ABHD2: variants seen among roughly 807,000 people sequenced by gnomAD.
The protein encoded by ABHD2 is abhydrolase domain containing 2, acylglycerol lipase, also known as monoacylglycerol lipase ABHD2.
ABHD2 carries 20 observed loss-of-function variants against 48.1 expected under a neutral mutation model. That is an observed-to-expected ratio of 0.42 (90% CI 0.29 to 0.60). ABHD2 has a LOEUF of 0.60. ABHD2 is among the 20% of genes least tolerant of loss of function. The pLI, the probability that ABHD2 is intolerant of heterozygous loss-of-function variation, is 0.24. For missense variants in ABHD2, 405 were observed against 550.9 expected, an observed-to-expected ratio of 0.74 and a Z score of 2.65; for synonymous variants, 209 against 214.2, an observed-to-expected ratio of 0.98 and a Z score of 0.21.
chr15:89,068,914 G>A, the ABHD2 span, among the ~76,000 whole-genome samples: 8 of 150,670 alleles, frequency 5.3e-5, no homozygotes, highest in Admixed American at 1.3e-4. Context: ...GACTACAGGC[G>A]CATGCCACCA....
chr15:89,091,116 T>C lies in ABHD2; in HGVS notation c.-107+2553T>C, dbSNP rs1013798584. Reference sequence around the variant, plus strand: ...CATTTTAGTCAGGGTCGTTCACTTTTTTCCCTTTTTACTCTCACCTTCATT... The same window carrying C: ...CATTTTAGTCAGGGTCGTTCACTTTCTTCCCTTTTTACTCTCACCTTCATT... On this transcript the variant is annotated intron_variant, in intron 1 of 10. Coordinates refer to ENST00000352732, the MANE Select transcript of ABHD2 (RefSeq NM_152924.5). This position sits in a 1 kb window ranked among gnomAD's most constrained non-coding sequence, Gnocchi z 5.5. Among the ~76,000 whole-genome samples, 1 of 152,204 alleles carries C rather than the reference T, an allele frequency of 6.6e-6. No individual in the cohort carries two copies. Among genetic ancestry groups the C allele is most frequent in the African/African-American group, 2.4e-5 (1 of 41,444 alleles).
At position 89,105,687 on chromosome 15, in the gene ABHD2, C is replaced by A. The variant is rs575937174; in HGVS notation, c.-106-8038C>A. Among the ~76,000 whole-genome samples the A allele has an allele frequency of 3.9e-5, 6 of 152,346 alleles. No homozygotes were observed. The East Asian group carries it at 9.6e-4, about 24-fold the overall frequency. ...GACTGGATCAACCAAGGGCTTTATC[C>A]TTCCTTGTTATGGTAACCCACTCCC... On this transcript the variant is annotated intron_variant, in intron 1 of 10. Coordinates refer to ENST00000352732, the MANE Select transcript of ABHD2 (RefSeq NM_152924.5).
Position 89,191,288 on chromosome 15 carries a change from T to G in ABHD2, c.996+139T>G, listed in dbSNP as rs1596165447. 3.7e-5 allele frequency: 29 copies of G among 789,284 alleles called. No individual in the cohort carries two copies. The East Asian group carries it at 7.7e-4, about 21-fold the overall frequency. 48.9% of individuals were successfully genotyped at this position (789,284 alleles called of 1,614,324 possible). On this transcript the variant is annotated intron_variant, in intron 9 of 10. Transcript: ENST00000352732. ...AACCGCTCTTTTAGCTTGGATTTGT[T>G]TATTGAACCAGGCTCTGTCCCTCTG...
chr15:89,178,177 G>C (rs2051047664), intron 6 of ABHD2, among the ~76,000 whole-genome samples: 1 of 152,196 alleles, frequency 6.6e-6, no homozygotes, highest in African/African-American at 2.4e-5. Flanking sequence ...ACTTGCCCAG[G>C]CTAAGATCAT....
chr15:89,113,514 G>C (rs1431119186), intron 1 of ABHD2, among the ~76,000 whole-genome samples: 4 of 152,216 alleles, frequency 2.6e-5, no homozygotes, highest in Admixed American at 6.5e-5. Context: ...CTAGAAACCA[G>C]AGAGAGCCTG....
the ABHD2 span, among the ~76,000 whole-genome samples, chr15:89,042,877 A>G: frequency 6.6e-6 from 1 of 151,632 alleles, no homozygotes; most frequent in South Asian, 2.1e-4. Context: ...TGTGTTGGCC[A>G]GGCTGGCCTC....
the ABHD2 span, among the ~76,000 whole-genome samples, chr15:89,048,904 A>C: frequency 8.6e-5 from 9 of 105,168 alleles, no homozygotes; most frequent in African/African-American, 3.8e-4. Context: ...AGCTCGTCAA[A>C]GTCATTTGTT....
intron 1 of ABHD2, among the ~76,000 whole-genome samples, chr15:89,099,948 T>A (rs886573196): frequency 2.0e-5 from 3 of 152,090 alleles, no homozygotes; most frequent in African/African-American, 7.2e-5. Flanking sequence ...GATTTAAAGA[T>A]AACAGTATCA....
the ABHD2 span, among the ~76,000 whole-genome samples, chr15:89,066,618 A>T: frequency 2.6e-5 from 4 of 152,148 alleles, no homozygotes. Flanking sequence ...TTCTCCTATC[A>T]TATTTCCTTC....
intron 1 of ABHD2, among the ~76,000 whole-genome samples, chr15:89,113,055 G>C (rs2049900527): frequency 6.6e-6 from 1 of 152,148 alleles, no homozygotes; most frequent in Non-Finnish European, 1.5e-5. Context: ...TTTTGCTTCT[G>C]CTGCTTTGGA....
In ABHD2 at chr15:89,137,286, G is replaced by A. The variant is rs921852654; in HGVS notation, c.195-14391G>A. Among the ~76,000 whole-genome samples, 1 of 152,198 alleles carries A rather than the reference G, an allele frequency of 6.6e-6. No homozygotes were observed. The highest frequency in any genetic ancestry group is 1.5e-5 in the Non-Finnish European group (1 of 68,032). ...GTGACCAGTTCCGCGTGCTGTTTGT[G>A]AACAGGAAGATAGTGGGATCAGATG... On this transcript the variant is annotated intron_variant, in intron 3 of 10. Coordinates refer to ENST00000352732, the MANE Select transcript of ABHD2 (RefSeq NM_152924.5). This position sits in a 1 kb window ranked among gnomAD's most constrained non-coding sequence, Gnocchi z 4.8.
At chr15:89,153,955 A>G (rs1341200689) in intron 4 of ABHD2, among the ~76,000 whole-genome samples, 2 of 152,206 alleles carry the variant, frequency 1.3e-5, no homozygotes, top group South Asian at 2.1e-4. Flanking sequence ...TTATAATTAA[A>G]CCATTCTTCT....
chr15:89,109,176 A>G (rs1377767910), intron 1 of ABHD2, among the ~76,000 whole-genome samples: 1 of 152,224 alleles, frequency 6.6e-6, no homozygotes, highest in Non-Finnish European at 1.5e-5. Flanking sequence ...GAGAGCAGAA[A>G]GAGGCATGGG....
chr15:89,172,096 C>A (rs1206554395), intron 5 of ABHD2, among the ~76,000 whole-genome samples: 3 of 151,816 alleles, frequency 2.0e-5, no homozygotes, highest in Admixed American at 6.6e-5. Context: ...TTAGAGAAAA[C>A]CCTAAATTTT....
chr15:89,079,681 G>T, the ABHD2 span, among the ~76,000 whole-genome samples: 2 of 152,148 alleles, frequency 1.3e-5, no homozygotes, highest in African/African-American at 4.8e-5. The surrounding 1 kb of genome is among the most constrained non-coding windows in gnomAD (Gnocchi z 4.3). Flanking sequence ...TGTTTTATGG[G>T]GATGCGGCAA....
chr15:89,072,537 AG>A, the ABHD2 span, among the ~76,000 whole-genome samples: 70 of 109,962 alleles, frequency 6.4e-4, no homozygotes, highest in Non-Finnish European at 1.1e-3. Flanking sequence ...GGGGAGGGGA[AG>A]GGGAAGGATG....
chr15:89,133,883 C>T (rs1224078564), intron 3 of ABHD2, among the ~76,000 whole-genome samples: 1 of 143,568 alleles, frequency 7.0e-6, no homozygotes, highest in Non-Finnish European at 1.5e-5. Flanking sequence ...GTCACCCAGG[C>T]TAGAGTGCAG....
In ABHD2 at chr15:89,151,982, C is replaced by CAA. The variant is rs1312039702; in HGVS notation, c.370+130_370+131insAA. 7 of 1,222,504 alleles carry CAA rather than the reference C, an allele frequency of 5.7e-6. No individual in the cohort carries two copies. The African/African-American group carries it at 1.1e-4, about 18-fold the overall frequency. The allele number at this position is 1,222,504 out of a possible 1,614,324, so 75.7% of individuals were successfully genotyped here. ...GCATCAGGGGCTGTTGGGAAGCCTG[C>CAA]TGGGATTCGTCACTTAGGAGCAGCC... On this transcript the variant is annotated intron_variant, in intron 4 of 10. Coordinates refer to ENST00000352732, the MANE Select transcript of ABHD2 (RefSeq NM_152924.5). This position sits in a 1 kb window ranked among gnomAD's most constrained non-coding sequence, Gnocchi z 4.7.
At chr15:89,048,496 C>T in the ABHD2 span, among the ~76,000 whole-genome samples, 6 of 152,190 alleles carry the variant, frequency 3.9e-5, no homozygotes, top group South Asian at 1.0e-3. Context: ...AGAGTGTTTT[C>T]CAATTTGGTT....
Sources: allele counts gnomAD v4.1 joint callset (sites outside exome capture counted in the v4.1 genomes callset), GRCh38; gene constraint gnomAD v4.1.1; non-coding constraint Gnocchi (gnomAD v3.1); transcripts MANE v1.5; gene names NCBI Gene and HGNC (gene_info 2026-07-23, HGNC 2026-07-21).